The following MSI2 variants were observed in gnomAD, a reference collection of about 807,000 sequenced individuals.
MSI2 encodes the protein RNA-binding protein Musashi homolog 2.
In MSI2, 17 loss-of-function variants were observed where a neutral mutation model predicts 45.6. The ratio of observed to expected loss-of-function variants is 0.37; its 90% confidence interval spans 0.26 to 0.56. The LOEUF (loss-of-function observed/expected upper bound fraction) is 0.56, where lower values mean the gene tolerates loss of function less well. MSI2 is among the 20% of genes least tolerant of loss of function. The probability of loss-of-function intolerance (pLI) is 0.77; values close to 1 mark genes in which losing one functional copy is unlikely to be tolerated. For missense variants in MSI2, 293 were observed against 444.2 expected (o/e 0.66, Z 3.06); for synonymous variants, 156 against 158.2 (o/e 0.99, Z 0.11).
chr17:57,465,535 G>A (rs980811682), intron 6 of MSI2, among the ~76,000 whole-genome samples: 18 of 152,156 alleles, frequency 1.2e-4, no homozygotes, highest in Non-Finnish European at 2.2e-4. Context: ...AGGGGTTGTG[G>A]AGTGGAGTGG....
At chr17:57,573,046 G>A (rs559897576) in intron 7 of MSI2, among the ~76,000 whole-genome samples, 17 of 152,284 alleles carry the variant, frequency 1.1e-4, no homozygotes, top group African/African-American at 2.9e-4. Context: ...GTGCCCCCTC[G>A]TAGAGTCCAG....
intron 5 of MSI2, among the ~76,000 whole-genome samples, chr17:57,333,874 T>G (rs922055967): frequency 1.3e-5 from 2 of 152,232 alleles, no homozygotes; most frequent in African/African-American, 4.8e-5. Context: ...GTACTTTCTC[T>G]TGTCTCGAGC....
intron 6 of MSI2, among the ~76,000 whole-genome samples, chr17:57,460,843 G>A (rs778338751): frequency 5.3e-5 from 8 of 152,124 alleles, no homozygotes; most frequent in Non-Finnish European, 1.2e-4. Context: ...GACTGAAATG[G>A]CAGAGTGTGT....
At chr17:57,262,269 G>A (rs947718601) in intron 5 of MSI2, 77 bp downstream of exon 5, 24 of 1,485,086 alleles carry the variant, frequency 1.6e-5, no homozygotes, top group Non-Finnish European at 2.2e-5. Context: ...AACAGCATTG[G>A]CCATGAACTG....
intron 6 of MSI2, among the ~76,000 whole-genome samples, chr17:57,469,515 C>T (rs760577158): frequency 7.2e-5 from 11 of 152,090 alleles, no homozygotes; most frequent in Non-Finnish European, 1.3e-4. Flanking sequence ...ATGGGGAGCG[C>T]GTGACTGTGG....
At chr17:57,333,732 T>C (rs1400195055) in intron 5 of MSI2, among the ~76,000 whole-genome samples, 1 of 152,070 alleles carries the variant, frequency 6.6e-6, no homozygotes, top group Non-Finnish European at 1.5e-5. Flanking sequence ...CATGAGCCAC[T>C]GTGCCTGGCC....
chr17:57,415,707 T>A (rs1393455481), intron 6 of MSI2, among the ~76,000 whole-genome samples: 1 of 151,992 alleles, frequency 6.6e-6, no homozygotes, highest in Non-Finnish European at 1.5e-5. Context: ...TTCACCAGGT[T>A]CACTCCCTCT....
intron 10 of MSI2, among the ~76,000 whole-genome samples, chr17:57,636,222 AG>A (rs1909824869): frequency 6.6e-6 from 1 of 152,132 alleles, no homozygotes; most frequent in Non-Finnish European, 1.5e-5. Context: ...AGTTCTCAGG[AG>A]GTGGAGGAGC....
chr17:57,674,202 G>A (rs765038129), intron 11 of MSI2, among the ~76,000 whole-genome samples: 3 of 127,544 alleles, frequency 2.4e-5, no homozygotes, highest in Non-Finnish European at 3.2e-5. Context: ...CTCCGACCAC[G>A]TTCAGTATTG....
chr17:57,523,376 C>T (rs953624412), intron 6 of MSI2, among the ~76,000 whole-genome samples: 3 of 152,290 alleles, frequency 2.0e-5, no homozygotes, highest in Non-Finnish European at 2.9e-5. Flanking sequence ...TTTTCCTATT[C>T]AGCCAGCACG....
At chr17:57,490,694 G>A (rs1485741265) in intron 6 of MSI2, among the ~76,000 whole-genome samples, 1 of 152,160 alleles carries the variant, frequency 6.6e-6, no homozygotes, top group African/African-American at 2.4e-5. Flanking sequence ...GATATCACAG[G>A]CCGAGAAGCG....
intron 6 of MSI2, among the ~76,000 whole-genome samples, chr17:57,528,023 A>G (rs561575903): frequency 4.4e-4 from 67 of 152,226 alleles, no homozygotes; most frequent in Non-Finnish European, 7.9e-4. Context: ...GTGCACATCA[A>G]CGGTGCTCAG....
intron 6 of MSI2, among the ~76,000 whole-genome samples, chr17:57,445,181 C>T (rs2084874596): frequency 6.6e-6 from 1 of 152,136 alleles, no homozygotes; most frequent in South Asian, 2.1e-4. Flanking sequence ...ACCCCCGAGC[C>T]AGGAATGCGT....
At chr17:57,665,659 G>T (rs1260514476) in intron 11 of MSI2, among the ~76,000 whole-genome samples, 2 of 152,106 alleles carry the variant, frequency 1.3e-5, no homozygotes, top group Non-Finnish European at 2.9e-5. Context: ...ATATGATTGG[G>T]CAGTAAATAC....
intron 8 of MSI2, among the ~76,000 whole-genome samples, chr17:57,604,018 G>A (rs562585691): frequency 6.6e-6 from 1 of 152,372 alleles, no homozygotes; most frequent in South Asian, 2.1e-4. Context: ...TTCTTTGGGG[G>A]AGCCCCCAGG....
At chr17:57,642,664 T>G (rs1157499488) in intron 10 of MSI2, among the ~76,000 whole-genome samples, 2 of 152,184 alleles carry the variant, frequency 1.3e-5, no homozygotes, top group African/African-American at 2.4e-5. Flanking sequence ...AGCTAGCAAC[T>G]CTAAGCTCCA....
chr17:57,548,898 TCCCCCCCC>T (rs758120237), intron 7 of MSI2, among the ~76,000 whole-genome samples: 1 of 121,300 alleles, frequency 8.2e-6, no homozygotes, highest in Non-Finnish European at 1.7e-5. Flanking sequence ...TGTTTACCCT[TCCCCCCCC>T]CACCCCCCCG....
intron 5 of MSI2, among the ~76,000 whole-genome samples, chr17:57,368,683 A>G (rs1054413454): frequency 6.6e-6 from 1 of 152,242 alleles, no homozygotes; most frequent in Non-Finnish European, 1.5e-5. Flanking sequence ...GACATCAAAG[A>G]TTTTCAGAAC....
At chr17:57,647,221 G>C (rs1598488788) in intron 10 of MSI2, among the ~76,000 whole-genome samples, 1 of 141,286 alleles carries the variant, frequency 7.1e-6, no homozygotes, top group Non-Finnish European at 1.5e-5. Context: ...CTGAGGTCAG[G>C]AGTTCAAGAC....
Sources: gnomAD v4.1 joint callset for allele counts (sites outside exome capture counted in the v4.1 genomes callset) on GRCh38, gnomAD v4.1.1 for gene constraint, MANE v1.5 for transcripts, NCBI Gene and HGNC (gene_info 2026-07-23, HGNC 2026-07-21) for gene names.